PDE2A: variants seen among roughly 807,000 people sequenced by gnomAD.
The protein encoded by PDE2A is cGMP-dependent 3',5'-cyclic phosphodiesterase.
PDE2A carries 53 observed loss-of-function variants against 133.6 expected under a neutral mutation model. The observed-to-expected ratio is 0.40, with a 90% CI of 0.32 to 0.50. The LOEUF is 0.50. Ranked by LOEUF, PDE2A falls within the 20% of genes least tolerant of loss-of-function variation. The pLI is 0.73. For synonymous variants in PDE2A, 491 were observed against 490.2 expected, an observed-to-expected ratio of 1.00 and a Z score of -0.02; for missense variants, 796 against 1,232.4, an observed-to-expected ratio of 0.65 and a Z score of 5.30.
At chr11:72,620,796 G>A (rs757188540) in intron 2 of PDE2A, among the ~76,000 whole-genome samples, 15 of 152,032 alleles carry the variant, frequency 9.9e-5, no homozygotes, top group Non-Finnish European at 1.9e-4. Flanking sequence ...GGACGGCAGG[G>A]GAGAGGAGGG....
chr11:72,585,907 G>A lies in PDE2A; in HGVS notation c.1182+163C>T, dbSNP rs76708049. Among the ~76,000 whole-genome samples the A allele has an allele frequency of 5.4e-3, 822 of 152,282 alleles. 9 individuals carry two copies. The highest frequency in any genetic ancestry group is 0.019 in the African/African-American group (777 of 41,540). The stretch of plus-strand genomic sequence containing the variant: ...TACAGTGCCTGCGGGCAGTGGCGCG[G>A]GTCCTGAACAACTGCAAGCCTTCAA... On this transcript the variant is annotated intron_variant, in intron 14 of 30. Coordinates refer to ENST00000334456, the MANE Select transcript of PDE2A (RefSeq NM_002599.5).
chr11:72,632,982 C>T (rs1250943719), intron 2 of PDE2A, among the ~76,000 whole-genome samples: 1 of 152,210 alleles, frequency 6.6e-6, no homozygotes, highest in Non-Finnish European at 1.5e-5. Flanking sequence ...CCCACCTAGC[C>T]TGTGTTTATC....
chr11:72,644,720 T>C (rs1172364490), intron 1 of PDE2A, among the ~76,000 whole-genome samples: 2 of 146,760 alleles, frequency 1.4e-5, no homozygotes, highest in Non-Finnish European at 3.0e-5. Flanking sequence ...TGAGAAGTTA[T>C]TTTATTTATT....
intron 1 of PDE2A, among the ~76,000 whole-genome samples, chr11:72,664,157 C>T (rs1436973103): frequency 6.6e-6 from 1 of 152,134 alleles, no homozygotes; most frequent in Non-Finnish European, 1.5e-5. Context: ...AGGGCTCTGG[C>T]TCATGGAGCT....
chr11:72,599,472 C>A (rs1856640011), intron 4 of PDE2A, among the ~76,000 whole-genome samples: 1 of 152,080 alleles, frequency 6.6e-6, no homozygotes, highest in African/African-American at 2.4e-5. Context: ...ACGGCTTGTC[C>A]AAAAACCTGC....
At chr11:72,641,774 T>C (rs945566283) in intron 2 of PDE2A, among the ~76,000 whole-genome samples, 1 of 151,822 alleles carries the variant, frequency 6.6e-6, no homozygotes, top group Non-Finnish European at 1.5e-5. Flanking sequence ...GATGTTTGGG[T>C]GGGAATCTGA....
intron 2 of PDE2A, among the ~76,000 whole-genome samples, chr11:72,625,588 T>C (rs1235500873): frequency 6.6e-6 from 1 of 152,142 alleles, no homozygotes; most frequent in Admixed American, 6.5e-5. Context: ...GACACCAGGC[T>C]GGAGGCCGGA....
At chr11:72,673,573 T>C (rs1855433639) in intron 1 of PDE2A, among the ~76,000 whole-genome samples, 1 of 152,152 alleles carries the variant, frequency 6.6e-6, no homozygotes, top group Admixed American at 6.5e-5. Flanking sequence ...GACAGACGCT[T>C]TGGGGTAAAG....
At position 72,591,467 on chromosome 11, in the gene PDE2A, C is replaced by G. The variant is rs985414851; in HGVS notation, c.490-111G>C. The G allele has an allele frequency of 1.3e-4, 100 of 775,404 alleles. No individual in the cohort carries two copies. The East Asian group carries it at 2.5e-3, about 19-fold the overall frequency. The allele number at this position is 775,404 out of a possible 1,614,324, so 48.0% of individuals were successfully genotyped here. A position where few individuals can be genotyped will look rare whatever the true frequency, so the allele number is the denominator to read the frequency against. The stretch of plus-strand genomic sequence containing the variant: ...TGGTCCCCACCAACACATACACACT[C>G]CAGTCTGTGGGCCTCAGTGATAACC... On this transcript the variant is annotated intron_variant, in intron 6 of 30. Transcript: ENST00000334456.
rs374996993 is a variant in PDE2A at position 72,585,042 on chromosome 11, G to A, written c.1287-98C>T. 2.4e-5 allele frequency: 29 copies of A among 1,186,006 alleles called. No homozygotes were observed. In the African/African-American group the frequency reaches 2.7e-4, roughly 11 times the overall value. The allele number at this position is 1,186,006 out of a possible 1,614,324, so 73.5% of individuals were successfully genotyped here. ...CAAAGGCCGGATTTCCGAGGCCTGG[G>A]AGGAGTGCTCCAAGGTAAGACACTC... On this transcript the variant is annotated intron_variant, in intron 16 of 30. Transcript: ENST00000334456.
rs1159525650 is a variant in PDE2A, at chr11:72,576,670, C to G, written c.*714G>C. The G allele has an allele frequency of 4.7e-5, 8 of 169,428 alleles. No individual in the cohort carries two copies. The allele number at this position is 169,428 out of a possible 1,614,324, so 10.5% of individuals were successfully genotyped here. On this transcript the variant is annotated 3_prime_UTR_variant, in exon 31 of 31. Transcript: ENST00000334456. ...CAGACAGGGGAAGAGACTCGCCCAGCGTCACACAGGCAGGAGGAAGCATGG... is the reference window on the plus strand; with the variant it reads ...CAGACAGGGGAAGAGACTCGCCCAGGGTCACACAGGCAGGAGGAAGCATGG...
In PDE2A at chr11:72,578,876, C is replaced by T. The variant is rs1337709465; in HGVS notation, c.2469+21G>A. 9 of 1,521,692 alleles carry T rather than the reference C, an allele frequency of 5.9e-6. No individual in the cohort carries two copies. The highest frequency in any genetic ancestry group is 7.3e-6 in the Non-Finnish European group (8 of 1,096,376). 94.3% of individuals were successfully genotyped at this position (1,521,692 alleles called of 1,614,324 possible). A position where few individuals can be genotyped will look rare whatever the true frequency, so the allele number is the denominator to read the frequency against. On this transcript the variant is annotated intron_variant, in intron 28 of 30. Transcript: ENST00000334456. The surrounding 1 kb of genome is among the most constrained non-coding windows in gnomAD (Gnocchi z 4.2). ...GGGCAGGGTGGGCAGCCTGTGCCTT[C>T]CCAGGGAGGACTACACCTACCGCGA...
intron 1 of PDE2A, among the ~76,000 whole-genome samples, chr11:72,644,877 C>T (rs1011237326): frequency 6.6e-6 from 1 of 152,218 alleles, no homozygotes; most frequent in Non-Finnish European, 1.5e-5. Context: ...CTGCCTCAGC[C>T]TCCCGAGTAG....
At position 72,590,587 on chromosome 11, in the gene PDE2A, C is replaced by T. The variant is rs927399441; in HGVS notation, c.550-7G>A. On this transcript the variant is annotated splice_polypyrimidine_tract_variant and splice_region_variant and intron_variant, in intron 7 of 30. Transcript: ENST00000334456. The surrounding 1 kb of genome is among the most constrained non-coding windows in gnomAD (Gnocchi z 4.8). Reference sequence around the variant, plus strand: ...TCCGCAGGGCGACCAGGGTCTGGGGCAGGCCGAGCGGTTAGCGCGCCGCTC... The same window carrying T: ...TCCGCAGGGCGACCAGGGTCTGGGGTAGGCCGAGCGGTTAGCGCGCCGCTC... 22 of 1,367,170 alleles carry T rather than the reference C, an allele frequency of 1.6e-5. No individual in the cohort carries two copies. Among genetic ancestry groups the T allele is most frequent in the Admixed American group, 3.7e-5 (1 of 27,006 alleles). The allele number at this position is 1,367,170 out of a possible 1,614,324, so 84.7% of individuals were successfully genotyped here.
chr11:72,619,396 G>A (rs114299159), intron 2 of PDE2A, among the ~76,000 whole-genome samples: 9 of 152,202 alleles, frequency 5.9e-5, no homozygotes, highest in South Asian at 4.2e-4. Flanking sequence ...GAGCCCCTAC[G>A]GACCATCACA....
chr11:72,650,640 C>T lies in PDE2A; in HGVS notation c.72-8314G>A, dbSNP rs189911507. 1.6e-3 allele frequency among the ~76,000 whole-genome samples: 240 copies of T among 152,226 alleles called. 2 individuals are homozygous for T. Among genetic ancestry groups the T allele is most frequent in the African/African-American group, 5.7e-3 (235 of 41,490 alleles). ...CCTGGAGGGGCTGCTCTGACTCCAGCCCTAGGAGTCCCATGGAGATGCCTC... is the reference window on the plus strand; with the variant it reads ...CCTGGAGGGGCTGCTCTGACTCCAGTCCTAGGAGTCCCATGGAGATGCCTC... On this transcript the variant is annotated intron_variant, in intron 1 of 30. Coordinates refer to ENST00000334456, the MANE Select transcript of PDE2A (RefSeq NM_002599.5).
chr11:72,665,569 G>A (rs556043525), intron 1 of PDE2A, among the ~76,000 whole-genome samples: 1 of 152,180 alleles, frequency 6.6e-6, no homozygotes, highest in East Asian at 1.9e-4. Context: ...AGGCCCAAGA[G>A]AGCTGAGGCA....
In PDE2A at chr11:72,594,103, T is replaced by C. The variant is rs1856371794; in HGVS notation, c.489+2490A>G. Among the ~76,000 whole-genome samples the C allele has an allele frequency of 2.0e-5, 3 of 152,226 alleles. No homozygotes were observed. The South Asian group carries it at 6.2e-4, about 31-fold the overall frequency. On this transcript the variant is annotated intron_variant, in intron 6 of 30. Transcript: ENST00000334456. ...AAGGCAGGGCCTGTCTAATCTGTCT[T>C]GGTCACTTCTGTGTTCCCAGCACCT...
At chr11:72,596,782 C>T in intron 5 of PDE2A, 134 bp from the exon 6 acceptor site, 1 of 446,134 alleles carries the variant, frequency 2.2e-6, no homozygotes, top group Non-Finnish European at 3.9e-6. Flanking sequence ...GACCCCAAAA[C>T]CCACAGAAAC....
Sources: allele counts gnomAD v4.1 joint callset (sites outside exome capture counted in the v4.1 genomes callset), GRCh38; gene constraint gnomAD v4.1.1; non-coding constraint Gnocchi (gnomAD v3.1); transcripts MANE v1.5; gene names NCBI Gene and HGNC (gene_info 2026-07-23, HGNC 2026-07-21).